The following BTBD9 variants were observed in gnomAD, a reference collection of about 807,000 sequenced individuals.
BTBD9 encodes BTB/POZ domain-containing protein 9.
In BTBD9, 49 loss-of-function variants were observed where a neutral mutation model predicts 64.3. The observed-to-expected ratio is 0.76, with a 90% confidence interval of 0.61 to 0.97. The LOEUF (loss-of-function observed/expected upper bound fraction) is 0.97. Ranked by LOEUF, BTBD9 falls within the 50% of genes least tolerant of loss-of-function variation. BTBD9 has a pLI of 0.00. For missense variants in BTBD9, 598 were observed against 762.1 expected (o/e 0.78, Z 2.53); for synonymous variants, 260 against 274.7 (o/e 0.95, Z 0.53).
intron 6 of BTBD9, among the ~76,000 whole-genome samples, chr6:38,510,675 C>T (rs1004486461): frequency 3.9e-5 from 6 of 152,122 alleles, no homozygotes; most frequent in African/African-American, 9.7e-5. Context: ...TATCCTTATT[C>T]CATAAGTTTG....
intron 10 of BTBD9, among the ~76,000 whole-genome samples, chr6:38,187,924 T>C (rs1761887422): frequency 6.6e-6 from 1 of 152,114 alleles, no homozygotes; most frequent in Non-Finnish European, 1.5e-5. Context: ...GATCAAGAAA[T>C]CTACACTCTC....
intron 9 of BTBD9, among the ~76,000 whole-genome samples, chr6:38,195,439 G>A (rs1427940672): frequency 6.6e-6 from 1 of 152,210 alleles, no homozygotes; most frequent in Non-Finnish European, 1.5e-5. Flanking sequence ...TTCAGAGCCA[G>A]GGCTGGGCGC....
intron 6 of BTBD9, among the ~76,000 whole-genome samples, chr6:38,564,966 CA>C (rs1775425144): frequency 6.6e-6 from 1 of 151,990 alleles, no homozygotes; most frequent in African/African-American, 2.4e-5. Flanking sequence ...CAAATGTCAC[CA>C]TTTTTTTTCT....
intron 1 of BTBD9, among the ~76,000 whole-genome samples, chr6:38,617,687 C>T (rs1004423529): frequency 6.6e-6 from 1 of 152,132 alleles, no homozygotes; most frequent in African/African-American, 2.4e-5. Context: ...GATGTCCTTC[C>T]TATTCAAATG....
At chr6:38,208,275 C>T (rs954990477) in intron 9 of BTBD9, among the ~76,000 whole-genome samples, 2 of 152,152 alleles carry the variant, frequency 1.3e-5, no homozygotes, top group Non-Finnish European at 2.9e-5. Context: ...GCCTGAAGAT[C>T]CCTCTGACAG....
At chr6:38,213,591 G>C (rs1242065482) in intron 9 of BTBD9, among the ~76,000 whole-genome samples, 1 of 152,158 alleles carries the variant, frequency 6.6e-6, no homozygotes, top group East Asian at 1.9e-4. Context: ...ATTCAAGACA[G>C]TGAATGATCT....
intron 6 of BTBD9, among the ~76,000 whole-genome samples, chr6:38,500,702 G>A (rs531461199): frequency 1.3e-3 from 196 of 152,264 alleles, no homozygotes; most frequent in Non-Finnish European, 2.4e-3. Context: ...CAGAAGCCCC[G>A]GAAGCGCATG....
At chr6:38,313,436 A>T (rs1223592704) in intron 7 of BTBD9, among the ~76,000 whole-genome samples, 1 of 152,140 alleles carries the variant, frequency 6.6e-6, no homozygotes, top group African/African-American at 2.4e-5. Flanking sequence ...AAGTGGTGAA[A>T]GTGGACATCC....
At chr6:38,408,975 C>T (rs569063698) in intron 6 of BTBD9, among the ~76,000 whole-genome samples, 50 of 152,264 alleles carry the variant, frequency 3.3e-4, no homozygotes, top group African/African-American at 1.0e-3. Flanking sequence ...GGTGGACAGG[C>T]GCAGTGACTC....
rs1026375720 is a variant in BTBD9 at position 38,605,928 on chromosome 6, A to G, written c.-27-7807T>C. ...AGATTAACATTTGAGTCAGTGGACT[A>G]AGAGAGGCAGACCTACCCTCAATCT... On this transcript the variant is annotated intron_variant, in intron 1 of 10. Coordinates refer to ENST00000481247, the MANE Select transcript of BTBD9 (RefSeq NM_001099272.2). Among the ~76,000 whole-genome samples the G allele has an allele frequency of 5.3e-5, 8 of 152,212 alleles. 1 individual carries two copies. Among genetic ancestry groups the G allele is most frequent in the Admixed American group, 5.2e-4 (8 of 15,274 alleles).
chr6:38,352,042 A>G (rs1764536570), intron 6 of BTBD9, among the ~76,000 whole-genome samples: 3 of 152,190 alleles, frequency 2.0e-5, no homozygotes, highest in Admixed American at 1.3e-4. Flanking sequence ...GATAGCCTTT[A>G]AGGTATACTG....
intron 8 of BTBD9, among the ~76,000 whole-genome samples, chr6:38,269,520 G>T (rs1399923161): frequency 1.3e-5 from 2 of 152,034 alleles, no homozygotes; most frequent in Non-Finnish European, 2.9e-5. Flanking sequence ...AATAACGCTG[G>T]CTTTCCTAAC....
intron 1 of BTBD9, among the ~76,000 whole-genome samples, chr6:38,607,582 T>C (rs1418950728): frequency 1.3e-5 from 2 of 151,108 alleles, no homozygotes; most frequent in Non-Finnish European, 3.0e-5. Flanking sequence ...AATGAAACAC[T>C]ATGAGATCTT....
intron 6 of BTBD9, among the ~76,000 whole-genome samples, chr6:38,563,482 T>TC (rs1775338419): frequency 6.6e-6 from 1 of 151,980 alleles, no homozygotes; most frequent in African/African-American, 2.4e-5. Context: ...CTCAATCCAT[T>TC]CCCCACAAGG....
intron 6 of BTBD9, among the ~76,000 whole-genome samples, chr6:38,424,963 C>T (rs761497892): frequency 3.3e-5 from 5 of 151,070 alleles, no homozygotes; most frequent in African/African-American, 9.8e-5. Flanking sequence ...CTCAGCCTCC[C>T]GTAGCTGGGA....
intron 10 of BTBD9, among the ~76,000 whole-genome samples, chr6:38,188,440 G>A (rs1306019590): frequency 2.6e-5 from 4 of 152,256 alleles, no homozygotes; most frequent in Admixed American, 1.3e-4. Context: ...TGATGGGGAA[G>A]CACCTGCAGA....
intron 8 of BTBD9, among the ~76,000 whole-genome samples, chr6:38,274,398 C>A (rs1199037708): frequency 6.6e-6 from 1 of 151,040 alleles, no homozygotes; most frequent in East Asian, 1.9e-4. Context: ...TTGCCCTGGC[C>A]AGAACTTCCA....
chr6:38,486,965 G>A (rs138348382), intron 6 of BTBD9, among the ~76,000 whole-genome samples: 13 of 152,206 alleles, frequency 8.5e-5, no homozygotes, highest in African/African-American at 2.4e-4. Flanking sequence ...GACTGAATTC[G>A]GTCCATTTAA....
chr6:38,445,438 C>T (rs1769230887), intron 6 of BTBD9, among the ~76,000 whole-genome samples: 1 of 152,186 alleles, frequency 6.6e-6, no homozygotes, highest in South Asian at 2.1e-4. Flanking sequence ...AGGGAAGTGA[C>T]CAACCAACCA....
Sources: allele counts gnomAD v4.1 joint callset (sites outside exome capture counted in the v4.1 genomes callset), GRCh38; gene constraint gnomAD v4.1.1; transcripts MANE v1.5; gene names NCBI Gene and HGNC (gene_info 2026-07-23, HGNC 2026-07-21).